LUZP2: variants seen among roughly 807,000 people sequenced by gnomAD.
LUZP2 encodes the protein leucine zipper protein 2.
Under a neutral mutation model 51.6 loss-of-function variants are expected in LUZP2, and 52 were observed. The observed-to-expected ratio is 1.01, with a 90% CI of 0.81 to 1.27. The LOEUF (loss-of-function observed/expected upper bound fraction) is 1.27. Ranked by LOEUF, LUZP2 falls within the 50% of genes most tolerant of loss-of-function variation. The pLI, the probability that LUZP2 is intolerant of heterozygous loss-of-function variation, is 0.00. For missense variants in LUZP2, 436 were observed against 395.4 expected (o/e 1.10, Z -0.87); for synonymous variants, 154 against 137.3 (o/e 1.12, Z -0.85).
At chr11:24,717,354 G>T (rs1300953640) in intron 1 of LUZP2, among the ~76,000 whole-genome samples, 1 of 151,302 alleles carries the variant, frequency 6.6e-6, no homozygotes, top group African/African-American at 2.4e-5. Context: ...GTGAACTCAT[G>T]CCATGGGGGT....
intron 5 of LUZP2, among the ~76,000 whole-genome samples, chr11:24,853,983 C>T (rs1348142897): frequency 1.3e-5 from 2 of 152,044 alleles, no homozygotes; most frequent in Non-Finnish European, 1.5e-5. Flanking sequence ...CCTGTTCCTC[C>T]CTCTGGAGGC....
chr11:24,547,639 A>G (rs1041160735), intron 1 of LUZP2, among the ~76,000 whole-genome samples: 15 of 152,082 alleles, frequency 9.9e-5, no homozygotes, highest in African/African-American at 2.7e-4. Context: ...AAACATAGGA[A>G]ATATCATTCT....
intron 9 of LUZP2, among the ~76,000 whole-genome samples, chr11:25,046,071 A>G (rs528164872): frequency 1.3e-5 from 2 of 152,284 alleles, no homozygotes; most frequent in South Asian, 2.1e-4. Flanking sequence ...ATATCTAACC[A>G]TTGGTAGCCT....
At chr11:24,791,923 C>A (rs1849419738) in intron 5 of LUZP2, among the ~76,000 whole-genome samples, 1 of 150,808 alleles carries the variant, frequency 6.6e-6, no homozygotes, top group Non-Finnish European at 1.5e-5. Context: ...CAAGAATTTT[C>A]TCCATTTGCT....
At chr11:24,693,821 G>A (rs1857155277) in intron 1 of LUZP2, among the ~76,000 whole-genome samples, 3 of 152,010 alleles carry the variant, frequency 2.0e-5, no homozygotes, top group South Asian at 2.1e-4. Flanking sequence ...TGAAAGAGGT[G>A]TACAGATGGA....
intron 7 of LUZP2, among the ~76,000 whole-genome samples, chr11:24,932,083 C>T (rs1243217263): frequency 1.3e-5 from 2 of 152,180 alleles, no homozygotes; most frequent in African/African-American, 2.4e-5. Context: ...TGGGAAGTGT[C>T]TGTAAAGAGT....
chr11:24,758,301 TTAAC>T (rs1374272726), intron 4 of LUZP2, among the ~76,000 whole-genome samples: 2 of 151,550 alleles, frequency 1.3e-5, no homozygotes, highest in Admixed American at 6.6e-5. Flanking sequence ...GACAGAATCT[TTAAC>T]TAATGTGGGA....
intron 9 of LUZP2, among the ~76,000 whole-genome samples, chr11:25,028,999 G>A (rs970109318): frequency 6.6e-6 from 1 of 152,182 alleles, no homozygotes; most frequent in Admixed American, 6.6e-5. Flanking sequence ...AGCATCACAT[G>A]TTCTCACATA....
chr11:24,510,253 A>C (rs1850269946), intron 1 of LUZP2, among the ~76,000 whole-genome samples: 1 of 152,206 alleles, frequency 6.6e-6, no homozygotes, highest in Non-Finnish European at 1.5e-5. Context: ...TGAGGATTTA[A>C]ATTGTGATGC....
At chr11:24,920,975 A>G (rs543406289) in intron 7 of LUZP2, among the ~76,000 whole-genome samples, 1 of 152,284 alleles carries the variant, frequency 6.6e-6, no homozygotes, top group Admixed American at 6.5e-5. Context: ...TTAAAAACAC[A>G]TAAAAATAAT....
chr11:24,692,396 G>T (rs1290590822), intron 1 of LUZP2, among the ~76,000 whole-genome samples: 1 of 152,036 alleles, frequency 6.6e-6, no homozygotes, highest in Non-Finnish European at 1.5e-5. Flanking sequence ...AAGGAAAGTA[G>T]TAAAGGCTAT....
chr11:25,067,997 G>A (rs557528707), intron 10 of LUZP2, among the ~76,000 whole-genome samples: 44 of 152,144 alleles, frequency 2.9e-4, no homozygotes, highest in Admixed American at 7.9e-4. Context: ...AAAAAAGGAT[G>A]AGTTCATGTC....
At chr11:24,501,505 CTATG>C (rs1849992132) in intron 1 of LUZP2, among the ~76,000 whole-genome samples, 1 of 152,184 alleles carries the variant, frequency 6.6e-6, no homozygotes, top group Admixed American at 6.5e-5. Flanking sequence ...TTATAAGAAA[CTATG>C]TGTGCGGCTG....
chr11:25,044,064 C>CTA (rs372261934), intron 9 of LUZP2, among the ~76,000 whole-genome samples: 11 of 1,104 alleles, frequency 1.0e-2, no homozygotes, highest in Admixed American at 0.038. Flanking sequence ...TATATAGAGT[C>CTA]TATATATATC....
chr11:25,038,375 GGC>G (rs1857930501), intron 9 of LUZP2, among the ~76,000 whole-genome samples: 1 of 152,070 alleles, frequency 6.6e-6, no homozygotes, highest in East Asian at 1.9e-4. Context: ...TTAAGCTCAT[GGC>G]CCATAGGCAC....
intron 5 of LUZP2, among the ~76,000 whole-genome samples, chr11:24,840,003 G>A (rs751816663): frequency 2.0e-5 from 3 of 151,500 alleles, no homozygotes; most frequent in Non-Finnish European, 3.0e-5. Flanking sequence ...AAGGAAAAGT[G>A]GTTTGCTGCA....
intron 1 of LUZP2, among the ~76,000 whole-genome samples, chr11:24,513,466 T>C (rs79515263): frequency 0.033 from 5,047 of 152,304 alleles, 254 homozygotes; most frequent in African/African-American, 0.11. Flanking sequence ...TGTCTTAAAC[T>C]ATTTTCAGAT....
chr11:25,010,329 G>A (rs974743635), intron 9 of LUZP2, among the ~76,000 whole-genome samples: 18 of 149,876 alleles, frequency 1.2e-4, no homozygotes, highest in African/African-American at 3.2e-4. Flanking sequence ...TGAGGCAGGC[G>A]GATCACTTGA....
intron 7 of LUZP2, among the ~76,000 whole-genome samples, chr11:24,916,312 G>C (rs1853787213): frequency 6.6e-6 from 1 of 151,714 alleles, no homozygotes; most frequent in African/African-American, 2.4e-5. Flanking sequence ...CCATTTTAGT[G>C]CTCTTTTTAT....
Sources: allele counts gnomAD v4.1 joint callset (sites outside exome capture counted in the v4.1 genomes callset), GRCh38; gene constraint gnomAD v4.1.1; transcripts MANE v1.5; gene names NCBI Gene and HGNC (gene_info 2026-07-23, HGNC 2026-07-21).